Variants in DNAH9 observed in about 807,000 individuals in gnomAD.
The protein encoded by DNAH9 is dynein axonemal heavy chain 9, also known as DNAH9 variant protein.
A neutral mutation model predicts 471.6 loss-of-function variants in DNAH9; 345 were observed. The observed-to-expected ratio is 0.73, with a 90% CI of 0.67 to 0.80. The LOEUF is 0.80. DNAH9 is among the 30% of genes least tolerant of loss of function. The pLI is 0.00. For synonymous variants in DNAH9, 2,093 were observed against 2,123.6 expected (o/e 0.99, Z 0.40); for missense variants, 5,407 against 5,609.2 (o/e 0.96, Z 1.15).
intron 49 of DNAH9, among the ~76,000 whole-genome samples, chr17:11,842,625 A>G (rs895434144): frequency 2.0e-5 from 3 of 152,228 alleles, no homozygotes; most frequent in African/African-American, 4.8e-5. Flanking sequence ...GTGTAAGTCC[A>G]AGAGTCCAAA....
chr17:11,710,412 C>T lies in DNAH9; in HGVS notation c.5552+5227C>T, dbSNP rs75886772. Among the ~76,000 whole-genome samples, 309 of 152,220 alleles carry T rather than the reference C, an allele frequency of 2.0e-3. 1 individual carries two copies. The highest frequency in any genetic ancestry group is 7.0e-3 in the African/African-American group (292 of 41,538). ...TCCAAGAAGCAGAATAATTAGATGA[C>T]ACATACTTTCAAATCGTTCGTGAAA... On this transcript the variant is annotated intron_variant, in intron 26 of 68. Coordinates refer to ENST00000262442, the MANE Select transcript of DNAH9 (RefSeq NM_001372.4).
intron 41 of DNAH9, among the ~76,000 whole-genome samples, chr17:11,790,863 T>C (rs1349399151): frequency 6.6e-6 from 1 of 152,172 alleles, no homozygotes; most frequent in Non-Finnish European, 1.5e-5. Context: ...TCTTTTTGTC[T>C]TTTATAAATT....
At chr17:11,783,070 T>A (rs1342312775) in intron 39 of DNAH9, among the ~76,000 whole-genome samples, 1 of 152,228 alleles carries the variant, frequency 6.6e-6, no homozygotes, top group East Asian at 1.9e-4. Flanking sequence ...TGCATCATTA[T>A]TACAAAATCC....
chr17:11,807,726 CT>C lies in DNAH9; in HGVS notation c.8421-3del. On this transcript the variant is annotated splice_polypyrimidine_tract_variant and splice_region_variant and intron_variant, in intron 43 of 68. Coordinates refer to ENST00000262442, the MANE Select transcript of DNAH9 (RefSeq NM_001372.4). ...AAGCAACATGTGCCTGCTTCCTTCT[CT>C]TTAGCTGCCATATCAATCGCATCTT... 1 of 1,602,380 alleles carries C rather than the reference CT, an allele frequency of 6.2e-7. No individual in the cohort carries two copies. Among genetic ancestry groups the C allele is most frequent in the Non-Finnish European group, 8.5e-7 (1 of 1,170,666 alleles).
At chr17:11,621,954 C>T (rs532211696) in intron 6 of DNAH9, among the ~76,000 whole-genome samples, 38 of 151,986 alleles carry the variant, frequency 2.5e-4, no homozygotes, top group Non-Finnish European at 3.4e-4. Context: ...GGTGTGGTGA[C>T]GTGCACCTGT....
At chr17:11,877,336 G>A (rs1437997376) in intron 53 of DNAH9, among the ~76,000 whole-genome samples, 1 of 151,228 alleles carries the variant, frequency 6.6e-6, no homozygotes, top group Non-Finnish European at 1.5e-5. Flanking sequence ...AGCTGGGCGT[G>A]GTAGCAGACG....
intron 66 of DNAH9, among the ~76,000 whole-genome samples, chr17:11,940,433 T>A (rs768424908): frequency 6.6e-6 from 1 of 152,190 alleles, no homozygotes; most frequent in Non-Finnish European, 1.5e-5. Context: ...AGCTCGCTGA[T>A]ATAGAGCTGT....
chr17:11,626,662 C>T lies in DNAH9; in HGVS notation c.1351-2755C>T, dbSNP rs2072976105. The stretch of plus-strand genomic sequence containing the variant: ...GTCACATCTACTTCTTTGTCCCATT[C>T]ACTCATTTGCCTTCATTCTGCCTTC... On this transcript the variant is annotated intron_variant, in intron 6 of 68. Transcript: ENST00000262442. This position sits in a 1 kb window ranked among gnomAD's most constrained non-coding sequence, Gnocchi z 4.3. 6.6e-6 allele frequency among the ~76,000 whole-genome samples: 1 copy of T among 152,162 alleles called. No individual in the cohort carries two copies. Among genetic ancestry groups the T allele is most frequent in the African/African-American group, 2.4e-5 (1 of 41,430 alleles).
At chr17:11,883,802 A>G (rs1245377511) in intron 56 of DNAH9, 52 bp downstream of exon 56, 6 of 1,567,820 alleles carry the variant, frequency 3.8e-6, no homozygotes, top group East Asian at 2.2e-5. Context: ...GGGTCCTCCT[A>G]CAATTTTCTC....
rs200253838 is a variant in DNAH9 at position 11,929,964 on chromosome 17, A to C, written c.11976A>C (p.Ala3992=). 2 of 1,614,078 alleles carry C rather than the reference A, an allele frequency of 1.2e-6. No homozygotes were observed. Among genetic ancestry groups the C allele is most frequent in the Non-Finnish European group, 1.7e-6 (2 of 1,179,986 alleles). ...CAGAGTTCAGGGTCTTCATGAGTGC[A>C]GAGCCAGCACCCTCCCCTGAGGGCC... The part of the protein sequence containing the change: ...SHPEFRVFMS[A]EPAPSPEGHI... The change falls in exon 63 of 69, where the codon GCA becomes GCC. Residue 3992 remains alanine, a synonymous_variant. Coordinates refer to ENST00000262442, the MANE Select transcript of DNAH9 (RefSeq NM_001372.4).
intron 11 of DNAH9, among the ~76,000 whole-genome samples, chr17:11,645,644 C>T (rs1325407713): frequency 6.6e-6 from 1 of 152,098 alleles, no homozygotes; most frequent in African/African-American, 2.4e-5. Flanking sequence ...GCTCTGTAGT[C>T]CTTGTTTCAA....
intron 32 of DNAH9, among the ~76,000 whole-genome samples, chr17:11,748,931 A>G (rs12944343): frequency 6.6e-6 from 1 of 152,142 alleles, no homozygotes; most frequent in Admixed American, 6.5e-5. Context: ...GGTCTAGAAC[A>G]CAAGGATTTA....
chr17:11,786,751 G>C (rs1567802263), intron 41 of DNAH9, among the ~76,000 whole-genome samples: 1 of 152,200 alleles, frequency 6.6e-6, no homozygotes, highest in Non-Finnish European at 1.5e-5. Context: ...AGTACACCTT[G>C]TGGTAGTGGT....
intron 6 of DNAH9, among the ~76,000 whole-genome samples, chr17:11,622,936 C>T (rs115016207): frequency 2.2e-3 from 340 of 151,514 alleles, no homozygotes; most frequent in African/African-American, 7.8e-3. Context: ...TGCTCCTGTG[C>T]CCAGCTGCTC....
chr17:11,650,092 A>G (rs2073473768), intron 12 of DNAH9, among the ~76,000 whole-genome samples: 1 of 152,170 alleles, frequency 6.6e-6, no homozygotes, highest in Admixed American at 6.6e-5. Flanking sequence ...TTACAGTTAA[A>G]TTATTAATAT....
intron 35 of DNAH9, among the ~76,000 whole-genome samples, chr17:11,758,875 A>G (rs1458165397): frequency 5.3e-5 from 8 of 152,244 alleles, no homozygotes; most frequent in Admixed American, 4.6e-4. Context: ...TATTATTCCA[A>G]CTCAACATTT....
chr17:11,700,079 A>C (rs1466824079), intron 23 of DNAH9, among the ~76,000 whole-genome samples, 196 bp downstream of exon 23: 1 of 152,208 alleles, frequency 6.6e-6, no homozygotes, highest in Non-Finnish European at 1.5e-5. Flanking sequence ...CTTTCAGGGA[A>C]GGACACATGT....
At chr17:11,636,208 C>T (rs1447167214) in intron 8 of DNAH9, among the ~76,000 whole-genome samples, 2 of 151,978 alleles carry the variant, frequency 1.3e-5, no homozygotes, top group Non-Finnish European at 2.9e-5. Flanking sequence ...GTTTCACCAA[C>T]TTGGCCAGGC....
chr17:11,608,767 A>G (rs2072563733), intron 2 of DNAH9, among the ~76,000 whole-genome samples: 1 of 152,098 alleles, frequency 6.6e-6, no homozygotes, highest in African/African-American at 2.4e-5. Flanking sequence ...CTCCTCCCCC[A>G]GCAGCTGAAG....
Sources: allele counts gnomAD v4.1 joint callset (sites outside exome capture counted in the v4.1 genomes callset), GRCh38; gene constraint gnomAD v4.1.1; non-coding constraint Gnocchi (gnomAD v3.1); transcripts MANE v1.5; gene names NCBI Gene and HGNC (gene_info 2026-07-23, HGNC 2026-07-21).